Variants in IL18R1 observed in about 807,000 individuals in gnomAD.
IL18R1 encodes interleukin-18 receptor 1.
Under a neutral mutation model 48.5 loss-of-function variants are expected in IL18R1, and 40 were observed. The ratio of observed to expected loss-of-function variants is 0.82; its 90% CI spans 0.64 to 1.07. IL18R1 has a LOEUF of 1.07. IL18R1 is among the 50% of genes least tolerant of loss of function. The pLI, the probability that IL18R1 is intolerant of heterozygous loss-of-function variation, is 0.00. For missense variants in IL18R1, 596 were observed against 633.7 expected (o/e 0.94, Z 0.64); for synonymous variants, 232 against 225.9 (o/e 1.03, Z -0.24).
At chr2:102,381,787 C>G (rs1679936545) in intron 6 of IL18R1, 105 bp downstream of exon 6, 3 of 752,334 alleles carry the variant, frequency 4.0e-6, no homozygotes, top group Non-Finnish European at 6.8e-6. Context: ...ATACACATTT[C>G]ATATTTACTG....
At chr2:102,376,129 T>TC in intron 5 of IL18R1, 66 bp downstream of exon 5, 2 of 1,351,032 alleles carry the variant, frequency 1.5e-6, no homozygotes, top group Non-Finnish European at 2.0e-6. Flanking sequence ...TTTTCATTCT[T>TC]CAAAACTGTG....
chr2:102,386,370 T>C (rs1265429728), intron 7 of IL18R1, among the ~76,000 whole-genome samples: 2 of 152,366 alleles, frequency 1.3e-5, no homozygotes, highest in Middle Eastern at 3.4e-3. Flanking sequence ...ACTTCTCATG[T>C]GCCTCGGGGT....
At chr2:102,365,530 A>G (rs1310957747) in intron 2 of IL18R1, among the ~76,000 whole-genome samples, 1 of 152,068 alleles carries the variant, frequency 6.6e-6, no homozygotes, top group Non-Finnish European at 1.5e-5. Flanking sequence ...TTTCAAGTGC[A>G]TGGTGCAAGC....
intron 4 of IL18R1, 147 bp downstream of exon 4, chr2:102,372,265 CT>C (rs1679310391): frequency 1.7e-6 from 1 of 588,986 alleles, no homozygotes; most frequent in African/African-American, 1.9e-5. Flanking sequence ...GCCAAGTATC[CT>C]CACTGGCTTG....
chr2:102,385,603 C>T (rs1680179141), intron 7 of IL18R1, among the ~76,000 whole-genome samples: 1 of 152,194 alleles, frequency 6.6e-6, no homozygotes, highest in Admixed American at 6.5e-5. Context: ...ACCTTTGCTG[C>T]ACTTGTTGAG....
Position 102,398,331 on chromosome 2 carries a change from C to T in IL18R1, c.*1445C>T, listed in dbSNP as rs1437772864. 2 of 152,256 alleles carry T rather than the reference C, an allele frequency of 1.3e-5. No homozygotes were observed. Among genetic ancestry groups the T allele is most frequent in the East Asian group, 1.9e-4 (1 of 5,332 alleles). 9.4% of individuals were successfully genotyped at this position (152,256 alleles called of 1,614,324 possible). A position where few individuals can be genotyped will look rare whatever the true frequency, so the allele number is the denominator to read the frequency against. ...CCAAGTGACTGTGAAACCGTCAGTT[C>T]GGAAGGCTGGTTAGAACATGTGGGA... On this transcript the variant is annotated 3_prime_UTR_variant, in exon 11 of 11. Transcript: ENST00000233957.
In IL18R1 at chr2:102,396,633, G is replaced by C; in HGVS notation, c.1373G>C (p.Ser458Thr). 1 of 1,613,272 alleles carries C rather than the reference G, an allele frequency of 6.2e-7. No individual in the cohort carries two copies. Among genetic ancestry groups the C allele is most frequent in the Non-Finnish European group, 8.5e-7 (1 of 1,179,232 alleles). The change falls in exon 11 of 11, where the codon AGT (serine) becomes ACT (threonine). Residue 458 changes from serine to threonine, a missense_variant. Coordinates refer to ENST00000233957, the MANE Select transcript of IL18R1 (RefSeq NM_003855.5). ...AATGAGGTCAGGTATGAACTTGAAA[G>C]TGGACTCCATGAAGCATTGGTGGAA... ...MSNEVRYELE[S>T]GLHEALVERK...
intron 8 of IL18R1, among the ~76,000 whole-genome samples, chr2:102,389,653 C>T (rs563137311): frequency 6.6e-6 from 1 of 152,284 alleles, no homozygotes; most frequent in East Asian, 1.9e-4. Flanking sequence ...CAGCTGCAAA[C>T]CCAGACAAAT....
chr2:102,391,787 T>A (rs542725361), intron 9 of IL18R1, among the ~76,000 whole-genome samples: 2 of 152,330 alleles, frequency 1.3e-5, no homozygotes, highest in South Asian at 4.1e-4. Flanking sequence ...ACATTTTAAT[T>A]TGCATTTCCC....
chr2:102,363,775 G>A (rs529150172), intron 2 of IL18R1, among the ~76,000 whole-genome samples: 2 of 152,300 alleles, frequency 1.3e-5, no homozygotes, highest in Admixed American at 6.5e-5. Flanking sequence ...TCTACATGTA[G>A]GATTCACTGA....
At chr2:102,386,263 A>G (rs949273346) in intron 7 of IL18R1, among the ~76,000 whole-genome samples, 1 of 152,218 alleles carries the variant, frequency 6.6e-6, no homozygotes. Context: ...GGCATCAACC[A>G]CAGGACAACT....
intron 1 of IL18R1, among the ~76,000 whole-genome samples, chr2:102,361,253 A>AG (rs1165361394): frequency 7.2e-5 from 11 of 152,170 alleles, no homozygotes; most frequent in Non-Finnish European, 1.2e-4. Flanking sequence ...GTAGTGGGGG[A>AG]GGTTTCAAAC....
intron 10 of IL18R1, 120 bp from the exon 11 acceptor site, chr2:102,396,411 A>C: frequency 1.7e-6 from 1 of 574,696 alleles, no homozygotes; most frequent in Non-Finnish European, 3.0e-6. Context: ...GTTTGTCTTA[A>C]AGAAAAACTT....
chr2:102,361,040 A>G (rs1678544103), intron 1 of IL18R1, among the ~76,000 whole-genome samples: 1 of 152,220 alleles, frequency 6.6e-6, no homozygotes, highest in Non-Finnish European at 1.5e-5. Context: ...TATGTTTCAT[A>G]TTGAAACTCA....
At chr2:102,385,141 A>T in intron 7 of IL18R1, 143 bp downstream of exon 7, 2 of 454,468 alleles carry the variant, frequency 4.4e-6, no homozygotes, top group Non-Finnish European at 7.5e-6. Context: ...ATATTTTATA[A>T]TTATAGTGGC....
At chr2:102,376,181 A>C in intron 5 of IL18R1, 118 bp downstream of exon 5, 1 of 692,252 alleles carries the variant, frequency 1.4e-6, no homozygotes, top group Non-Finnish European at 2.2e-6. Flanking sequence ...TGACCACACC[A>C]CTAGTTCAAA....
chr2:102,390,030 T>A (rs760765603), intron 8 of IL18R1, 26 bp from the exon 9 acceptor site: 1 of 1,611,292 alleles, frequency 6.2e-7, no homozygotes, highest in Admixed American at 1.7e-5. Context: ...GATTATTTTC[T>A]TTTCCTTTTT....
chr2:102,392,861 A>G (rs2105129222), intron 9 of IL18R1, among the ~76,000 whole-genome samples: 1 of 152,244 alleles, frequency 6.6e-6, no homozygotes, highest in African/African-American at 2.4e-5. Context: ...TAGTTTTCAA[A>G]TTCCTTTTTT....
intron 4 of IL18R1, among the ~76,000 whole-genome samples, chr2:102,372,348 G>T (rs1679316448): frequency 6.6e-6 from 1 of 152,150 alleles, no homozygotes; most frequent in Non-Finnish European, 1.5e-5. Context: ...TTCAATAAAT[G>T]ATCACAGTTT....
Sources: allele counts gnomAD v4.1 joint callset (sites outside exome capture counted in the v4.1 genomes callset), GRCh38; gene constraint gnomAD v4.1.1; transcripts MANE v1.5; gene names NCBI Gene and HGNC (gene_info 2026-07-23, HGNC 2026-07-21).